The following WDR7 variants were observed in gnomAD, a reference collection of about 807,000 sequenced individuals.
WDR7 encodes the protein WD repeat-containing protein 7.
A neutral mutation model predicts 169.4 loss-of-function variants in WDR7; 46 were observed. The ratio of observed to expected loss-of-function variants is 0.27; its 90% CI spans 0.21 to 0.35. The LOEUF (loss-of-function observed/expected upper bound fraction) is 0.35. WDR7 is among the 10% of genes least tolerant of loss of function. The pLI, the probability that WDR7 is intolerant of heterozygous loss-of-function variation, is 1.00. For missense variants in WDR7, 1,534 were observed against 1,859.3 expected, an observed-to-expected ratio of 0.83 and a Z score of 3.22; for synonymous variants, 612 against 666.8, an observed-to-expected ratio of 0.92 and a Z score of 1.27.
At chr18:56,935,590 G>A (rs559798599) in intron 22 of WDR7, among the ~76,000 whole-genome samples, 198 bp from the exon 23 acceptor site, 12 of 152,178 alleles carry the variant, frequency 7.9e-5, no homozygotes, top group African/African-American at 2.9e-4. Context: ...CAATCTTCAC[G>A]GTTAATTATT....
intron 11 of WDR7, 137 bp from the exon 12 acceptor site, chr18:56,696,105 T>C: frequency 1.4e-6 from 1 of 707,488 alleles, no homozygotes; most frequent in South Asian, 2.0e-5. Context: ...TTAGGCAGAG[T>C]TGTGTTAGAA....
chr18:56,877,309 T>A (rs886069535), intron 20 of WDR7, among the ~76,000 whole-genome samples: 1 of 152,172 alleles, frequency 6.6e-6, no homozygotes, highest in African/African-American at 2.4e-5. Context: ...GAGCTATTTA[T>A]AATAAATATT....
intron 25 of WDR7, among the ~76,000 whole-genome samples, chr18:56,940,549 C>T (rs1005920610): frequency 4.6e-5 from 7 of 151,934 alleles, no homozygotes; most frequent in Non-Finnish European, 8.8e-5. Flanking sequence ...AACATTATGC[C>T]GTGTGTTTGG....
Position 56,797,216 on chromosome 18 carries a change from G to A in WDR7, c.3190+15560G>A, listed in dbSNP as rs185677571. ...AGCTCTTTTTAAATGAAGTTGAACT[G>A]AGCTAAGGATGCACTTTCTTCTAAT... On this transcript the variant is annotated intron_variant, in intron 19 of 27. Transcript: ENST00000254442. 3.0e-4 allele frequency among the ~76,000 whole-genome samples: 45 copies of A among 152,210 alleles called. 1 individual carries two copies. The highest frequency in any genetic ancestry group is 1.1e-3 in the African/African-American group (44 of 41,540).
At chr18:56,805,078 TTAATCGTCTCTGGAA>T (rs1452342205) in intron 19 of WDR7, among the ~76,000 whole-genome samples, 1 of 152,118 alleles carries the variant, frequency 6.6e-6, no homozygotes, top group African/African-American at 2.4e-5. Flanking sequence ...GACTCTCACA[TTAATCGTCTCTGGAA>T]ACACTCTCAC....
At position 56,803,246 on chromosome 18, in the gene WDR7, A is replaced by G. The variant is rs1487052926; in HGVS notation, c.3191-12785A>G. ...TATTGGAATATCCAAAATGCCTTAT[A>G]GTGTGATCTCATAGCATATTGTTGC... On this transcript the variant is annotated intron_variant, in intron 19 of 27. Transcript: ENST00000254442. 3.3e-5 allele frequency among the ~76,000 whole-genome samples: 5 copies of G among 152,232 alleles called. No individual in the cohort carries two copies. In the East Asian group the frequency reaches 9.6e-4, roughly 29 times the overall value.
intron 26 of WDR7, among the ~76,000 whole-genome samples, chr18:56,995,656 C>T (rs1657424): frequency 0.35 from 53,469 of 152,016 alleles, 10,483 homozygotes; most frequent in African/African-American, 0.52. Context: ...AAATTTAGTC[C>T]TTTATACCAC....
rs112090457 is a variant in WDR7 at position 56,712,459 on chromosome 18, T to C, written c.1579-5505T>C. Among the ~76,000 whole-genome samples the C allele has an allele frequency of 2.4e-3, 368 of 152,354 alleles. 1 individual carries two copies. The highest frequency in any genetic ancestry group is 8.2e-3 in the African/African-American group (340 of 41,572). ...ATGATAATTATTTGAAAAATAATAA[T>C]TGACCTAAGAATATACTTGTTTTGG... On this transcript the variant is annotated intron_variant, in intron 12 of 27. Coordinates refer to ENST00000254442, the MANE Select transcript of WDR7 (RefSeq NM_015285.3).
At chr18:56,924,486 T>C (rs1209517814) in intron 22 of WDR7, among the ~76,000 whole-genome samples, 1 of 152,178 alleles carries the variant, frequency 6.6e-6, no homozygotes, top group Non-Finnish European at 1.5e-5. Context: ...GGGGAATTGC[T>C]CCTCCACACT....
At chr18:56,919,845 C>T (rs1336581827) in intron 21 of WDR7, among the ~76,000 whole-genome samples, 1 of 152,092 alleles carries the variant, frequency 6.6e-6, no homozygotes, top group Admixed American at 6.5e-5. Context: ...AGGGCATTTG[C>T]CCTTTTCTAA....
chr18:56,787,241 G>A (rs2044415089), intron 19 of WDR7, among the ~76,000 whole-genome samples: 1 of 152,036 alleles, frequency 6.6e-6, no homozygotes, highest in East Asian at 1.9e-4. Context: ...GATTTCCTTT[G>A]GCCTGCAACG....
At chr18:56,975,390 T>C (rs1460220321) in intron 26 of WDR7, among the ~76,000 whole-genome samples, 5 of 151,976 alleles carry the variant, frequency 3.3e-5, no homozygotes, top group African/African-American at 4.8e-5. Context: ...ACTGTAAGGT[T>C]TTTGTTTTTG....
chr18:56,766,897 T>G lies in WDR7; in HGVS notation c.2848+7944T>G, dbSNP rs74349287. Among the ~76,000 whole-genome samples the G allele has an allele frequency of 5.9e-5, 9 of 152,364 alleles. No individual in the cohort carries two copies. The East Asian group carries it at 1.7e-3, about 29-fold the overall frequency. ...TTTAAATTAATTATTCTCCTCCTTG[T>G]GGACTGTGCTTTCCTGCCTCTTTGC... On this transcript the variant is annotated intron_variant, in intron 16 of 27. Coordinates refer to ENST00000254442, the MANE Select transcript of WDR7 (RefSeq NM_015285.3).
intron 25 of WDR7, among the ~76,000 whole-genome samples, chr18:56,955,923 T>G (rs2047244559): frequency 6.6e-6 from 1 of 152,196 alleles, no homozygotes; most frequent in Non-Finnish European, 1.5e-5. Flanking sequence ...TCTCAGCCAT[T>G]GTACCTCAAA....
chr18:56,705,916 T>C (rs2025940950), intron 12 of WDR7, among the ~76,000 whole-genome samples: 1 of 152,208 alleles, frequency 6.6e-6, no homozygotes, highest in Non-Finnish European at 1.5e-5. Flanking sequence ...GAAAGTCCCT[T>C]GAACCTGGGA....
intron 20 of WDR7, among the ~76,000 whole-genome samples, chr18:56,828,940 T>C (rs185440724): frequency 3.7e-3 from 565 of 152,120 alleles, no homozygotes; most frequent in Middle Eastern, 6.8e-3. Context: ...TAACCCTTTA[T>C]ATAAACCTTA....
At chr18:56,891,282 T>G (rs1366000961) in intron 21 of WDR7, among the ~76,000 whole-genome samples, 1 of 152,172 alleles carries the variant, frequency 6.6e-6, no homozygotes, top group Non-Finnish European at 1.5e-5. Context: ...ATTTTGTTAT[T>G]TGGGAACCAG....
At chr18:56,768,916 A>T (rs80309005) in intron 16 of WDR7, among the ~76,000 whole-genome samples, 1,834 of 152,324 alleles carry the variant, frequency 0.012, 40 homozygotes, top group African/African-American at 0.042. Flanking sequence ...GAATAAAGAT[A>T]GTTAAGATAG....
At chr18:56,863,960 T>A (rs766777995) in intron 20 of WDR7, among the ~76,000 whole-genome samples, 25 of 151,828 alleles carry the variant, frequency 1.6e-4, no homozygotes, top group Non-Finnish European at 3.0e-4. Flanking sequence ...ATTAAAATGA[T>A]CTGTGATGAG....
Sources: gnomAD v4.1 joint callset for allele counts (sites outside exome capture counted in the v4.1 genomes callset) on GRCh38, gnomAD v4.1.1 for gene constraint, MANE v1.5 for transcripts, NCBI Gene and HGNC (gene_info 2026-07-23, HGNC 2026-07-21) for gene names.